LRRFIP2: variants seen among roughly 807,000 people sequenced by gnomAD.
The protein encoded by LRRFIP2 is LRR binding FLII interacting protein 2.
In LRRFIP2, 109 loss-of-function variants were observed where a neutral mutation model predicts 125.9. The observed-to-expected ratio is 0.87, with a 90% CI of 0.74 to 1.01. The LOEUF is 1.01. Ranked by LOEUF, LRRFIP2 falls within the 50% of genes least tolerant of loss-of-function variation. LRRFIP2 has a pLI of 0.00. For synonymous variants in LRRFIP2, 291 were observed against 293.1 expected (o/e 0.99, Z 0.07); for missense variants, 850 against 862.3 (o/e 0.99, Z 0.18).
intron 1 of LRRFIP2, among the ~76,000 whole-genome samples, chr3:37,161,028 G>A (rs2096324592): frequency 6.6e-6 from 1 of 151,926 alleles, no homozygotes; most frequent in South Asian, 2.1e-4. Flanking sequence ...TCCATAAAAT[G>A]GAATATTACC....
At position 37,055,180 on chromosome 3, in the gene LRRFIP2, G is replaced by A; in HGVS notation, c.1871-15C>T. 1 of 1,512,518 alleles carries A rather than the reference G, an allele frequency of 6.6e-7. No homozygotes were observed. Among genetic ancestry groups the A allele is most frequent in the South Asian group, 1.2e-5 (1 of 82,932 alleles). 93.7% of individuals were successfully genotyped at this position (1,512,518 alleles called of 1,614,324 possible). A position where few individuals can be genotyped will look rare whatever the true frequency, so the allele number is the denominator to read the frequency against. ...ATTGGCATCTCCTAGAACAGAAGAA[G>A]ACAATGAATTATCTTCACCTGTCAG... is the stretch of plus-strand genomic sequence containing the variant. On this transcript the variant is annotated splice_polypyrimidine_tract_variant and intron_variant, in intron 25 of 27. Coordinates refer to ENST00000336686, the MANE Select transcript of LRRFIP2 (RefSeq NM_006309.4).
chr3:37,102,678 T>G (rs1392623892), intron 15 of LRRFIP2, among the ~76,000 whole-genome samples: 1 of 151,876 alleles, frequency 6.6e-6, no homozygotes, highest in East Asian at 1.9e-4. Flanking sequence ...TTTTTTGTAT[T>G]TTTAATAGAG....
rs372131841 is a variant in LRRFIP2, at chr3:37,170,122, G to A, written c.-56+4417C>T. Among the ~76,000 whole-genome samples, 11 of 152,212 alleles carry A rather than the reference G, an allele frequency of 7.2e-5. No homozygotes were observed. In the South Asian group the frequency reaches 2.3e-3, roughly 32 times the overall value. On this transcript the variant is annotated intron_variant, in intron 1 of 27. Transcript: ENST00000336686. ...CTCATCATCATAAATGTGAACAGCTGCAAATAACTGAAGGCAAAGGAAAAC... is the reference window on the plus strand; with the variant it reads ...CTCATCATCATAAATGTGAACAGCTACAAATAACTGAAGGCAAAGGAAAAC...
At chr3:37,063,608 A>G in intron 24 of LRRFIP2, 134 bp downstream of exon 24, 1 of 718,976 alleles carries the variant, frequency 1.4e-6, no homozygotes, top group South Asian at 1.7e-5. Context: ...AATATGAATT[A>G]TCTATCCTTC....
intron 2 of LRRFIP2, among the ~76,000 whole-genome samples, chr3:37,134,294 T>TATC (rs1265038580): frequency 1.3e-5 from 2 of 152,206 alleles, no homozygotes; most frequent in African/African-American, 4.8e-5. Flanking sequence ...ATATTCACTG[T>TATC]ATCACTCAAT....
chr3:37,097,793 T>C (rs974135324), intron 15 of LRRFIP2, among the ~76,000 whole-genome samples: 3 of 152,194 alleles, frequency 2.0e-5, no homozygotes, highest in African/African-American at 7.2e-5. Flanking sequence ...TTGCTGAAGG[T>C]TGCAGAGCTG....
intron 2 of LRRFIP2, among the ~76,000 whole-genome samples, chr3:37,134,428 C>T (rs2095506635): frequency 6.6e-6 from 1 of 152,146 alleles, no homozygotes; most frequent in Non-Finnish European, 1.5e-5. Context: ...GGGTGGAACC[C>T]CATTCGGAAG....
In LRRFIP2 at chr3:37,063,522, G is replaced by GT. The variant is rs775184183; in HGVS notation, c.1749+219dup. ...GACTGCTGTGTTCATAACAAGCTTT[G>GT]TAAAAAACTATATGACTCCTTAAAC... is the stretch of plus-strand genomic sequence containing the variant. On this transcript the variant is annotated intron_variant, in intron 24 of 27. Transcript: ENST00000336686. Among the ~76,000 whole-genome samples, 85 of 152,288 alleles carry GT rather than the reference G, an allele frequency of 5.6e-4. No homozygotes were observed. In the Middle Eastern group the frequency reaches 0.01, roughly 18 times the overall value.
At chr3:37,110,012 G>A (rs771047359) in intron 9 of LRRFIP2, among the ~76,000 whole-genome samples, 5 of 152,160 alleles carry the variant, frequency 3.3e-5, no homozygotes, top group Non-Finnish European at 5.9e-5. Flanking sequence ...AGAAAACACT[G>A]AGGGAAAGAG....
chr3:37,140,809 G>A (rs1170070389), intron 2 of LRRFIP2, among the ~76,000 whole-genome samples: 1 of 151,792 alleles, frequency 6.6e-6, no homozygotes, highest in South Asian at 2.1e-4. Context: ...CATCATAAGG[G>A]TCCTTCCTCT....
At chr3:37,123,113 T>C (rs1270957664) in intron 4 of LRRFIP2, among the ~76,000 whole-genome samples, 3 of 152,254 alleles carry the variant, frequency 2.0e-5, no homozygotes, top group African/African-American at 4.8e-5. Flanking sequence ...TAAGCACTAC[T>C]ATGATTCAAT....
At chr3:37,154,199 G>C (rs922908422) in intron 1 of LRRFIP2, among the ~76,000 whole-genome samples, 1 of 152,014 alleles carries the variant, frequency 6.6e-6, no homozygotes, top group Non-Finnish European at 1.5e-5. Flanking sequence ...AAGAAGGAAA[G>C]ATGAAAGGTT....
At chr3:37,079,791 G>T (rs561529574) in intron 19 of LRRFIP2, among the ~76,000 whole-genome samples, 1 of 152,224 alleles carries the variant, frequency 6.6e-6, no homozygotes, top group African/African-American at 2.4e-5. Context: ...GATGAACCTT[G>T]AAAACATCAC....
At chr3:37,142,334 T>G (rs1460892465) in intron 2 of LRRFIP2, among the ~76,000 whole-genome samples, 1 of 151,976 alleles carries the variant, frequency 6.6e-6, no homozygotes, top group African/African-American at 2.4e-5. Context: ...AGACAGGGTT[T>G]CACCATGTTG....
intron 1 of LRRFIP2, among the ~76,000 whole-genome samples, chr3:37,165,864 AAAGAAAG>A: frequency 6.6e-6 from 1 of 152,060 alleles, no homozygotes; most frequent in Non-Finnish European, 1.5e-5. Flanking sequence ...AAAGAGAAAG[AAAGAAAG>A]AAGAAAAAAC....
In LRRFIP2 at chr3:37,108,641, C is replaced by T. The variant is rs770362071; in HGVS notation, c.653G>A (p.Arg218Gln). 9.3e-6 allele frequency: 15 copies of T among 1,607,894 alleles called. No homozygotes were observed. Among genetic ancestry groups the T allele is most frequent in the Non-Finnish European group, 1.2e-5 (14 of 1,175,044 alleles). Residue 218 changes from arginine to glutamine, a missense_variant, in exon 12 of 28, where the codon CGA becomes CAA. By Grantham distance (43) the Arg-to-Gln change is conservative. Transcript: ENST00000336686. ...NGGLYNPYGPRTPSECSYYSS... is the reference protein window; with the variant it reads ...NGGLYNPYGPQTPSECSYYSS... ...CCTTCCCCTATTTAGACTTACAGTTCGAGGACCATAAGGGTTATATAATCC... is the reference window on the plus strand; with the variant it reads ...CCTTCCCCTATTTAGACTTACAGTTTGAGGACCATAAGGGTTATATAATCC...
At chr3:37,118,255 T>C (rs1319572310) in intron 6 of LRRFIP2, among the ~76,000 whole-genome samples, 1 of 152,268 alleles carries the variant, frequency 6.6e-6, no homozygotes, top group East Asian at 1.9e-4. Flanking sequence ...TTTTAGTAGA[T>C]ACAAGGTCTC....
At position 37,149,059 on chromosome 3, in the gene LRRFIP2, A is replaced by G. The variant is rs189405449; in HGVS notation, c.-55-21T>C. 3.8e-4 allele frequency: 599 copies of G among 1,577,268 alleles called. 1 individual carries two copies. The Middle Eastern group carries it at 7.8e-3, about 21-fold the overall frequency. On this transcript the variant is annotated intron_variant, in intron 1 of 27. Coordinates refer to ENST00000336686, the MANE Select transcript of LRRFIP2 (RefSeq NM_006309.4). ...CAGCCCTGAAGTAAACAAAAACATAATAACTTAAGGTATTTCTTTGTGCAA... is the reference window on the plus strand; with the variant it reads ...CAGCCCTGAAGTAAACAAAAACATAGTAACTTAAGGTATTTCTTTGTGCAA...
chr3:37,112,913 AC>A lies in LRRFIP2; in HGVS notation c.438+1del. 1 of 1,537,060 alleles carries A rather than the reference AC, an allele frequency of 6.5e-7. No homozygotes were observed. Among genetic ancestry groups the A allele is most frequent in the Non-Finnish European group, 8.9e-7 (1 of 1,120,772 alleles). ...TGTGATATGAGAGACAACAGAACTA[AC>A]CAGTAGGTCTTTATGAGAATCAGAA... is the stretch of plus-strand genomic sequence containing the variant. On this transcript the variant is annotated splice_donor_variant, in intron 8 of 27. Coordinates refer to ENST00000336686, the MANE Select transcript of LRRFIP2 (RefSeq NM_006309.4). LOFTEE classifies it high-confidence loss of function.
Sources: allele counts gnomAD v4.1 joint callset (sites outside exome capture counted in the v4.1 genomes callset), GRCh38; gene constraint gnomAD v4.1.1; transcripts MANE v1.5; gene names NCBI Gene and HGNC (gene_info 2026-07-23, HGNC 2026-07-21).